The following COL27A1 variants were observed in gnomAD, a reference collection of about 807,000 sequenced individuals.
COL27A1 encodes collagen type XXVII alpha 1 chain, also known as collagen alpha-1(XXVII) chain.
Under a neutral mutation model 251.3 loss-of-function variants are expected in COL27A1, and 106 were observed. The observed-to-expected ratio is 0.42, with a 90% confidence interval of 0.36 to 0.50. The LOEUF is 0.50. COL27A1 is among the 20% of genes least tolerant of loss of function. COL27A1 has a pLI of 0.00. For synonymous variants in COL27A1, 1,000 were observed against 986.3 expected, an observed-to-expected ratio of 1.01 and a Z score of -0.26; for missense variants, 2,325 against 2,522.8, an observed-to-expected ratio of 0.92 and a Z score of 1.68.
At chr9:114,196,928 CT>C (rs1473415268) in intron 7 of COL27A1, among the ~76,000 whole-genome samples, 1 of 152,166 alleles carries the variant, frequency 6.6e-6, no homozygotes, top group African/African-American at 2.4e-5. Context: ...TGAGGCTCCT[CT>C]CTGCTCAAGA....
At chr9:114,272,528 T>C (rs1835217277) in intron 36 of COL27A1, 1 of 152,202 alleles carries the variant, frequency 6.6e-6, no homozygotes, top group African/African-American at 2.4e-5. Context: ...TCACCCCTCA[T>C]GGTGAAAACT....
intron 49 of COL27A1, among the ~76,000 whole-genome samples, chr9:114,297,491 G>A (rs1266741744): frequency 6.6e-6 from 1 of 152,172 alleles, no homozygotes; most frequent in Non-Finnish European, 1.5e-5. Flanking sequence ...GACAAAGTGA[G>A]ATTTATCCTA....
chr9:114,188,692 A>G (rs957819933), intron 5 of COL27A1, among the ~76,000 whole-genome samples: 2 of 152,210 alleles, frequency 1.3e-5, no homozygotes, highest in African/African-American at 4.8e-5. Context: ...TGAGAGACAT[A>G]TAAGTGCTTA....
chr9:114,243,600 G>A (rs942096867), intron 23 of COL27A1, 40 bp downstream of exon 23: 3 of 1,557,044 alleles, frequency 1.9e-6, no homozygotes, highest in South Asian at 1.1e-5. Context: ...AGAGGAAAGA[G>A]GGGATCCTAC....
intron 41 of COL27A1, 26 bp from the exon 42 acceptor site, chr9:114,288,429 C>T (rs780575980): frequency 1.2e-5 from 20 of 1,606,782 alleles, no homozygotes; most frequent in Non-Finnish European, 1.7e-5. Context: ...AGGCGGTTTG[C>T]CCTAAAGCTG....
chr9:114,243,103 T>G (rs555565948), intron 22 of COL27A1, among the ~76,000 whole-genome samples: 1 of 152,190 alleles, frequency 6.6e-6, no homozygotes, highest in Non-Finnish European at 1.5e-5. Context: ...ATGAAAATCA[T>G]TTTGACCTCC....
chr9:114,241,213 C>T (rs1369903347), intron 21 of COL27A1, among the ~76,000 whole-genome samples: 1 of 152,262 alleles, frequency 6.6e-6, no homozygotes, highest in Non-Finnish European at 1.5e-5. Flanking sequence ...CATTCTTAGC[C>T]TTCCCATGCC....
chr9:114,264,244 C>G (rs1159460109), intron 28 of COL27A1, 111 bp from the exon 29 acceptor site: 7 of 771,688 alleles, frequency 9.1e-6, no homozygotes, highest in South Asian at 2.5e-5. Flanking sequence ...AGGAGGGGGC[C>G]GGAGCTTGTG....
At chr9:114,203,748 T>C (rs912898063) in intron 7 of COL27A1, among the ~76,000 whole-genome samples, 1 of 152,060 alleles carries the variant, frequency 6.6e-6, no homozygotes, top group African/African-American at 2.4e-5. Context: ...TGGGGGGTGT[T>C]GAGTGTGTAT....
chr9:114,306,985 TCC>T (rs888589133), intron 58 of COL27A1: 6 of 348,062 alleles, frequency 1.7e-5, no homozygotes, highest in African/African-American at 1.1e-4. Context: ...GCCAGGATTT[TCC>T]CCCTTTCTGA....
chr9:114,192,322 C>T (rs2135229766), intron 5 of COL27A1, among the ~76,000 whole-genome samples: 1 of 152,228 alleles, frequency 6.6e-6, no homozygotes, highest in African/African-American at 2.4e-5. Flanking sequence ...CCTTTTTTGG[C>T]CATTGGAATC....
At chr9:114,260,220 G>A (rs1428290535) in intron 28 of COL27A1, among the ~76,000 whole-genome samples, 9 of 152,214 alleles carry the variant, frequency 5.9e-5, no homozygotes, top group South Asian at 4.1e-4. Context: ...CTTGAAGAAC[G>A]TATTCCTGCT....
chr9:114,243,837 G>T (rs942026458), intron 23 of COL27A1, among the ~76,000 whole-genome samples: 1 of 152,040 alleles, frequency 6.6e-6, no homozygotes, highest in Non-Finnish European at 1.5e-5. Context: ...TGGGGTGGGG[G>T]TGGTGGAGGA....
chr9:114,281,675 C>T (rs987938440), intron 37 of COL27A1, among the ~76,000 whole-genome samples: 2 of 152,218 alleles, frequency 1.3e-5, no homozygotes, highest in Non-Finnish European at 2.9e-5. Flanking sequence ...CCTATAAATC[C>T]TCTCCTGCCA....
chr9:114,271,183 AG>A (rs1366902408), intron 36 of COL27A1: 1 of 204,618 alleles, frequency 4.9e-6, no homozygotes, highest in African/African-American at 2.4e-5. Flanking sequence ...GCCACAATTT[AG>A]GGAGGACTAG....
chr9:114,167,596 G>A lies in COL27A1; in HGVS notation c.134-93G>A, dbSNP rs138924872. The A allele has an allele frequency of 1.2e-3, 1,207 of 1,021,912 alleles. 7 individuals are homozygous for A. The African/African-American group carries it at 0.017, about 15-fold the overall frequency. 63.3% of individuals were successfully genotyped at this position (1,021,912 alleles called of 1,614,324 possible). On this transcript the variant is annotated intron_variant, in intron 2 of 60. Coordinates refer to ENST00000356083, the MANE Select transcript of COL27A1 (RefSeq NM_032888.4). ...AAGGACCAGGTAGCTGTGGGTGGACGGTCCACATTGCCTGTGCCCCTTAGG... is the reference window on the plus strand; with the variant it reads ...AAGGACCAGGTAGCTGTGGGTGGACAGTCCACATTGCCTGTGCCCCTTAGG...
intron 29 of COL27A1, 94 bp from the exon 30 acceptor site, chr9:114,264,830 G>A (rs373761642): frequency 3.1e-5 from 41 of 1,336,664 alleles, no homozygotes; most frequent in East Asian, 2.6e-4. Flanking sequence ...GGCCTCAAAC[G>A]GGTTCCTTTT....
intron 41 of COL27A1, among the ~76,000 whole-genome samples, chr9:114,286,313 C>T (rs774196127): frequency 2.6e-5 from 4 of 152,142 alleles, no homozygotes; most frequent in Non-Finnish European, 5.9e-5. Context: ...AGCCCCAGTG[C>T]AGAGGTACCA....
At chr9:114,179,211 G>C (rs1021819392) in intron 4 of COL27A1, among the ~76,000 whole-genome samples, 5 of 152,158 alleles carry the variant, frequency 3.3e-5, no homozygotes, top group African/African-American at 9.7e-5. Context: ...AGTGGTTCTG[G>C]TTATGCAATT....
Sources: gnomAD v4.1 joint callset for allele counts (sites outside exome capture counted in the v4.1 genomes callset) on GRCh38, gnomAD v4.1.1 for gene constraint, MANE v1.5 for transcripts, NCBI Gene and HGNC (gene_info 2026-07-23, HGNC 2026-07-21) for gene names.